The following FOXP1 variants were observed in gnomAD, a reference collection of about 807,000 sequenced individuals.
The protein encoded by FOXP1 is forkhead box protein P1.
A neutral mutation model predicts 98.2 loss-of-function variants in FOXP1; 15 were observed. The ratio of observed to expected loss-of-function variants is 0.15; its 90% confidence interval spans 0.10 to 0.24. The LOEUF is 0.24. FOXP1 is among the 10% of genes least tolerant of loss of function. The pLI, the probability that FOXP1 is intolerant of heterozygous loss-of-function variation, is 1.00. For missense variants in FOXP1, 633 were observed against 848.5 expected, an observed-to-expected ratio of 0.75 and a Z score of 3.15; for synonymous variants, 371 against 314.5, an observed-to-expected ratio of 1.18 and a Z score of -1.90.
At chr3:71,064,055 C>T (rs1365512026) in intron 7 of FOXP1, among the ~76,000 whole-genome samples, 2 of 152,164 alleles carry the variant, frequency 1.3e-5, no homozygotes, top group African/African-American at 2.4e-5. Context: ...ATTCCTCAGT[C>T]TGCTGCACGT....
chr3:71,167,687 C>A (rs183973447), intron 6 of FOXP1, among the ~76,000 whole-genome samples: 2 of 152,244 alleles, frequency 1.3e-5, no homozygotes, highest in African/African-American at 4.8e-5. Context: ...TTCATTACTG[C>A]CCTGCAGTTA....
At chr3:71,252,686 G>C (rs74870332) in intron 5 of FOXP1, among the ~76,000 whole-genome samples, 11,317 of 152,212 alleles carry the variant, frequency 0.074, 627 homozygotes, top group South Asian at 0.26. Flanking sequence ...GATTTTCCCA[G>C]TGTTTGAGAT....
intron 5 of FOXP1, among the ~76,000 whole-genome samples, chr3:71,293,587 AC>A (rs1284222230): frequency 6.6e-6 from 1 of 152,114 alleles, no homozygotes; most frequent in Non-Finnish European, 1.5e-5. Flanking sequence ...TATTGTCTTT[AC>A]TACTAAATAT....
intron 4 of FOXP1, among the ~76,000 whole-genome samples, chr3:71,301,505 T>A (rs1269119967): frequency 6.6e-6 from 1 of 152,192 alleles, no homozygotes; most frequent in East Asian, 1.9e-4. Context: ...CAGATCCTAC[T>A]CAATTCAAAG....
intron 3 of FOXP1, among the ~76,000 whole-genome samples, chr3:71,441,223 C>T (rs1036358890): frequency 6.6e-6 from 1 of 152,216 alleles, no homozygotes; most frequent in Non-Finnish European, 1.5e-5. Flanking sequence ...ATGGATCAGT[C>T]ATTCTCATGG....
intron 4 of FOXP1, among the ~76,000 whole-genome samples, chr3:71,336,193 A>C (rs923600208): frequency 2.0e-5 from 3 of 152,166 alleles, no homozygotes; most frequent in Admixed American, 2.0e-4. Context: ...AAAGTTTAAA[A>C]AATGCAATAA....
intron 6 of FOXP1, among the ~76,000 whole-genome samples, chr3:71,182,831 C>T (rs906117966): frequency 4.6e-5 from 7 of 151,862 alleles, no homozygotes; most frequent in East Asian, 1.9e-4. Context: ...AGGCATGAGC[C>T]GCCATGCCTG....
chr3:71,352,470 CAAAAAAAAAA>C (rs34693899), intron 4 of FOXP1, among the ~76,000 whole-genome samples: 6 of 67,118 alleles, frequency 8.9e-5, no homozygotes, highest in Middle Eastern at 9.3e-3. Context: ...GACTCCATCT[CAAAAAAAAAA>C]AAAAAAAAAA....
intron 11 of FOXP1, among the ~76,000 whole-genome samples, chr3:71,017,504 T>C (rs1447816963): frequency 6.8e-6 from 1 of 148,140 alleles, no homozygotes; most frequent in Non-Finnish European, 1.5e-5. Context: ...TTGAAAATCC[T>C]GAAAAGAAAA....
At chr3:71,274,668 A>C (rs1275895387) in intron 5 of FOXP1, among the ~76,000 whole-genome samples, 1 of 152,224 alleles carries the variant, frequency 6.6e-6, no homozygotes, top group Non-Finnish European at 1.5e-5. Flanking sequence ...AGGTGGAGAT[A>C]ATAATTTAGC....
rs1560425632 is a variant in FOXP1, at chr3:71,397,069, T to TATATATATGTGTATATAC, written c.-167-37826_-167-37825insGTATATACACATATATAT. 7.1e-4 allele frequency among the ~76,000 whole-genome samples: 29 copies of TATATATATGTGTATATAC among 40,686 alleles called. 4 individuals are homozygous for TATATATATGTGTATATAC. The highest frequency in any genetic ancestry group is 1.5e-3 in the Non-Finnish European group (25 of 16,702). 26.7% of individuals were successfully genotyped at this position (40,686 alleles called of 152,430 possible). Reference sequence around the variant, plus strand: ...ATATACACATATATATGTGTATATATATATACATATATATGTGTATATATA... The same window carrying TATATATATGTGTATATAC: ...ATATACACATATATATGTGTATATATATATATATGTGTATATACATATACATATATATGTGTATATATA... On this transcript the variant is annotated intron_variant, in intron 3 of 20. Transcript: ENST00000649528.
chr3:71,436,240 A>G (rs1264261457), intron 3 of FOXP1, among the ~76,000 whole-genome samples: 1 of 152,034 alleles, frequency 6.6e-6, no homozygotes, highest in Non-Finnish European at 1.5e-5. Flanking sequence ...TTTCATTTGG[A>G]AAACTTTACA....
rs146052247 is a variant in FOXP1 at position 71,436,363 on chromosome 3, A to G, written c.-168+57063T>C. On this transcript the variant is annotated intron_variant, in intron 3 of 20. Coordinates refer to ENST00000649528, the MANE Select transcript of FOXP1 (RefSeq NM_001349338.3). ...TTTTCCAACTTATTTTCACCATAGC[A>G]TAGTTACTGCATGGAACAACTGTGC... is the stretch of plus-strand genomic sequence containing the variant. 3.4e-3 allele frequency among the ~76,000 whole-genome samples: 518 copies of G among 152,302 alleles called. 3 individuals carry two copies. Among genetic ancestry groups the G allele is most frequent in the African/African-American group, 0.012 (491 of 41,554 alleles).
At chr3:71,381,968 T>G (rs2080211256) in intron 3 of FOXP1, among the ~76,000 whole-genome samples, 1 of 151,862 alleles carries the variant, frequency 6.6e-6, no homozygotes, top group Non-Finnish European at 1.5e-5. Flanking sequence ...AATGACTGAA[T>G]TAACATTAGC....
chr3:71,324,963 C>A (rs980974530), intron 4 of FOXP1, among the ~76,000 whole-genome samples: 1 of 152,184 alleles, frequency 6.6e-6, no homozygotes, highest in Admixed American at 6.5e-5. Flanking sequence ...CAGCTCCCAC[C>A]CAGCTGCCAT....
intron 3 of FOXP1, among the ~76,000 whole-genome samples, chr3:71,446,892 G>A (rs539141002): frequency 6.6e-6 from 1 of 152,362 alleles, no homozygotes; most frequent in South Asian, 2.1e-4. Flanking sequence ...TTCAGGACAC[G>A]CTTTCCATCA....
At position 71,555,727 on chromosome 3, in the gene FOXP1, T is replaced by G. The variant is rs138865661; in HGVS notation, c.-298+25822A>C. Among the ~76,000 whole-genome samples the G allele has an allele frequency of 3.9e-3, 594 of 152,218 alleles. 3 individuals carry two copies. Among genetic ancestry groups the G allele is most frequent in the African/African-American group, 0.013 (543 of 41,520 alleles). ...TGCTTCTCAGTGAAACCGAAAAAAGTGCATGGAAATAAGCCCTACATTAAA... is the reference window on the plus strand; with the variant it reads ...TGCTTCTCAGTGAAACCGAAAAAAGGGCATGGAAATAAGCCCTACATTAAA... On this transcript the variant is annotated intron_variant, in intron 2 of 20. Transcript: ENST00000649528.
At chr3:71,222,509 C>G (rs1182946991) in intron 5 of FOXP1, among the ~76,000 whole-genome samples, 1 of 152,150 alleles carries the variant, frequency 6.6e-6, no homozygotes, top group Non-Finnish European at 1.5e-5. Flanking sequence ...ACCTCTGCCT[C>G]TCAGGTTCAA....
At position 71,343,554 on chromosome 3, in the gene FOXP1, A is replaced by ATTTTTT. The variant is rs10658352; in HGVS notation, c.-73+15590_-73+15595dup. 1.6e-3 allele frequency among the ~76,000 whole-genome samples: 184 copies of ATTTTTT among 116,382 alleles called. 8 individuals carry two copies. The highest frequency in any genetic ancestry group is 5.4e-3 in the Middle Eastern group (1 of 184). 76.4% of individuals were successfully genotyped at this position (116,382 alleles called of 152,430 possible). On this transcript the variant is annotated intron_variant, in intron 4 of 20. Transcript: ENST00000649528. ...CTATGAGTTTTTAAATCTCAATTAGATTTTTTTTTTTTTTTTTTTGAGATG... is the reference window on the plus strand; with the variant it reads ...CTATGAGTTTTTAAATCTCAATTAGATTTTTTTTTTTTTTTTTTTTTTTTTGAGATG...
Sources: gnomAD v4.1 joint callset for allele counts (sites outside exome capture counted in the v4.1 genomes callset) on GRCh38, gnomAD v4.1.1 for gene constraint, MANE v1.5 for transcripts, NCBI Gene and HGNC (gene_info 2026-07-23, HGNC 2026-07-21) for gene names.